Variants in RBFOX1 observed in about 807,000 individuals in gnomAD.
RBFOX1 encodes RNA binding protein fox-1 homolog 1.
A neutral mutation model predicts 57.7 loss-of-function variants in RBFOX1; 8 were observed. The observed-to-expected ratio is 0.14, with a 90% CI of 0.08 to 0.25. RBFOX1 has a LOEUF of 0.25. Ranked by LOEUF, RBFOX1 falls within the 10% of genes least tolerant of loss-of-function variation. The pLI is 1.00. For missense variants in RBFOX1, 611 were observed against 548.5 expected (o/e 1.11, Z -1.14); for synonymous variants, 326 against 222.4 (o/e 1.47, Z -4.15).
intron 4 of RBFOX1, among the ~76,000 whole-genome samples, chr16:7,425,992 T>C (rs1442865119): frequency 6.6e-6 from 1 of 152,172 alleles, no homozygotes; most frequent in Non-Finnish European, 1.5e-5. Context: ...TACACATTGG[T>C]GTTCATTTGT....
At chr16:6,098,536 C>G (rs559896893) in intron 1 of RBFOX1, among the ~76,000 whole-genome samples, 1 of 152,344 alleles carries the variant, frequency 6.6e-6, no homozygotes, top group South Asian at 2.1e-4. Flanking sequence ...AATTCTAAGT[C>G]AAGAGCAATT....
At chr16:7,132,040 A>G (rs1385546042) in intron 4 of RBFOX1, among the ~76,000 whole-genome samples, 3 of 141,406 alleles carry the variant, frequency 2.1e-5, no homozygotes, top group African/African-American at 5.4e-5. Context: ...TACCCAGACT[A>G]GAGCGAAGTG....
chr16:7,672,636 G>A (rs1220553772), intron 13 of RBFOX1, among the ~76,000 whole-genome samples: 1 of 151,952 alleles, frequency 6.6e-6, no homozygotes, highest in Non-Finnish European at 1.5e-5. Flanking sequence ...ACCTAAGGCA[G>A]GCAGATTGCT....
intron 2 of RBFOX1, among the ~76,000 whole-genome samples, chr16:6,631,643 A>G (rs1463542587): frequency 6.6e-6 from 1 of 152,192 alleles, no homozygotes; most frequent in Non-Finnish European, 1.5e-5. Context: ...AAGGAAATCA[A>G]GGTTATCAAT....
chr16:7,253,648 C>A (rs2094569683), intron 4 of RBFOX1, among the ~76,000 whole-genome samples: 1 of 152,158 alleles, frequency 6.6e-6, no homozygotes, highest in African/African-American at 2.4e-5. Context: ...GACCATCTTG[C>A]CTATGCTTTG....
chr16:6,529,444 G>A (rs2096626047), intron 2 of RBFOX1, among the ~76,000 whole-genome samples: 2 of 151,754 alleles, frequency 1.3e-5, no homozygotes, highest in Admixed American at 6.6e-5. Context: ...CTGTAATCCC[G>A]GCTACTTGGG....
In RBFOX1 at chr16:6,789,213, C is replaced by A. The variant is rs376015097; in HGVS notation, c.-16+134563C>A. Among the ~76,000 whole-genome samples the A allele has an allele frequency of 3.3e-4, 50 of 152,210 alleles. No individual in the cohort carries two copies. In the South Asian group the frequency reaches 9.1e-3, roughly 28 times the overall value. ...TTTAAAGACTGTAAGTCATGAAATGCACGTGACAAGATGAATGTCATTGTA... is the reference window on the plus strand; with the variant it reads ...TTTAAAGACTGTAAGTCATGAAATGAACGTGACAAGATGAATGTCATTGTA... On this transcript the variant is annotated intron_variant, in intron 3 of 15. Transcript: ENST00000550418.
At position 7,219,227 on chromosome 16, in the gene RBFOX1, C is replaced by T. The variant is rs550437034; in HGVS notation, c.27+167129C>T. On this transcript the variant is annotated intron_variant, in intron 4 of 15. Coordinates refer to ENST00000550418, the MANE Select transcript of RBFOX1 (RefSeq NM_018723.4). The stretch of plus-strand genomic sequence containing the variant: ...ATGAAGAGGCAGGCAGCATGCTCTA[C>T]CAATTAACACCACAGGGAAAAGTAA... 2.6e-5 allele frequency among the ~76,000 whole-genome samples: 4 copies of T among 152,272 alleles called. No individual in the cohort carries two copies. The South Asian group carries it at 8.3e-4, about 32-fold the overall frequency.
chr16:7,228,173 C>G lies in RBFOX1; in HGVS notation c.27+176075C>G, dbSNP rs992097703. 2.6e-5 allele frequency among the ~76,000 whole-genome samples: 4 copies of G among 152,080 alleles called. No homozygotes were observed. In the East Asian group the frequency reaches 5.8e-4, roughly 22 times the overall value. The stretch of plus-strand genomic sequence containing the variant: ...AGTTCCGCGAGAGCAGGCATTGTGT[C>G]TGGTTTGGTCGTGGTTGTGTGCCAA... On this transcript the variant is annotated intron_variant, in intron 4 of 15. Transcript: ENST00000550418.
intron 2 of RBFOX1, among the ~76,000 whole-genome samples, chr16:6,513,097 C>G (rs573029376): frequency 6.1e-4 from 93 of 152,324 alleles, no homozygotes; most frequent in African/African-American, 1.8e-3. Context: ...CAGTTCTAGT[C>G]TGGCTTCAAA....
chr16:7,268,184 A>G (rs1278475721), intron 4 of RBFOX1, among the ~76,000 whole-genome samples: 2 of 152,214 alleles, frequency 1.3e-5, no homozygotes, highest in Non-Finnish European at 2.9e-5. Flanking sequence ...AAAATACTGC[A>G]TTAACGTCTT....
At chr16:5,809,374 G>C (rs145731967) in intron 3 of RBFOX1, among the ~76,000 whole-genome samples, 2,258 of 152,254 alleles carry the variant, frequency 0.015, 23 homozygotes, top group Middle Eastern at 0.02. Context: ...ACTGCTATCA[G>C]AGTGAACAGG....
intron 1 of RBFOX1, among the ~76,000 whole-genome samples, chr16:6,100,147 T>C (rs1444116756): frequency 1.3e-5 from 2 of 151,306 alleles, no homozygotes; most frequent in Non-Finnish European, 2.9e-5. Flanking sequence ...ATTGTTTTTT[T>C]TGTTGTTGTT....
intron 2 of RBFOX1, among the ~76,000 whole-genome samples, chr16:6,390,317 C>T (rs2092533106): frequency 6.6e-6 from 1 of 152,106 alleles, no homozygotes; most frequent in African/African-American, 2.4e-5. Context: ...CCCTCCCCAC[C>T]CCCAAATCCT....
At chr16:7,049,623 A>G (rs765478204) in intron 3 of RBFOX1, among the ~76,000 whole-genome samples, 3 of 152,088 alleles carry the variant, frequency 2.0e-5, no homozygotes, top group South Asian at 2.1e-4. Flanking sequence ...ACTAAGGGGT[A>G]TTGGTGGTGG....
intron 3 of RBFOX1, among the ~76,000 whole-genome samples, chr16:6,754,514 G>A (rs1414621913): frequency 1.3e-5 from 2 of 152,008 alleles, no homozygotes; most frequent in Non-Finnish European, 2.9e-5. Flanking sequence ...AGCACTCTTC[G>A]GGTTCCCACT....
At chr16:6,061,746 C>G (rs1429073225) in intron 1 of RBFOX1, among the ~76,000 whole-genome samples, 6 of 152,140 alleles carry the variant, frequency 3.9e-5, no homozygotes, top group Admixed American at 3.9e-4. Context: ...CACTCACACT[C>G]ATATAGCACA....
rs74004701 is a variant in RBFOX1 at position 5,904,041 on chromosome 16, C to T, written c.351+36706C>T. Among the ~76,000 whole-genome samples, 825 of 152,240 alleles carry T rather than the reference C, an allele frequency of 5.4e-3. 6 individuals carry two copies. Among genetic ancestry groups the T allele is most frequent in the African/African-American group, 0.018 (750 of 41,542 alleles). On this transcript the variant is annotated intron_variant, in intron 4 of 19. Transcript: ENST00000641259. ...AGAAGGTCAGCGAGGCAGCCATGTGCGTCTGGAGCTTCCCGAAAAGGCCAG... is the reference window on the plus strand; with the variant it reads ...AGAAGGTCAGCGAGGCAGCCATGTGTGTCTGGAGCTTCCCGAAAAGGCCAG...
intron 2 of RBFOX1, among the ~76,000 whole-genome samples, chr16:6,558,564 T>C (rs1025688135): frequency 6.6e-6 from 1 of 152,164 alleles, no homozygotes; most frequent in Non-Finnish European, 1.5e-5. Context: ...AAAGTTTCCC[T>C]ACAAATTGAC....
Sources: gnomAD v4.1 joint callset for allele counts (sites outside exome capture counted in the v4.1 genomes callset) on GRCh38, gnomAD v4.1.1 for gene constraint, MANE v1.5 for transcripts, NCBI Gene and HGNC (gene_info 2026-07-23, HGNC 2026-07-21) for gene names.